CPXM1: variants seen among roughly 807,000 people sequenced by gnomAD.
CPXM1 encodes probable carboxypeptidase X1.
CPXM1 carries 72 observed loss-of-function variants against 80.4 expected under a neutral mutation model. That is an observed-to-expected ratio of 0.90 (90% CI 0.74 to 1.09). CPXM1 has a LOEUF of 1.09. Ranked by LOEUF, CPXM1 falls within the 50% of genes least tolerant of loss-of-function variation. CPXM1 has a pLI of 0.00. For synonymous variants in CPXM1, 403 were observed against 405.6 expected, an observed-to-expected ratio of 0.99 and a Z score of 0.08; for missense variants, 892 against 999.4, an observed-to-expected ratio of 0.89 and a Z score of 1.45.
rs910956499 is a variant in CPXM1, at chr20:2,797,958, G to A, written c.681+10C>T. 2.5e-6 allele frequency: 4 copies of A among 1,613,100 alleles called. No homozygotes were observed. The highest frequency in any genetic ancestry group is 3.3e-5 in the Admixed American group (2 of 59,992). On this transcript the variant is annotated intron_variant, in intron 5 of 13. Transcript: ENST00000380605. Reference sequence around the variant, plus strand: ...AGCATGGAGGCCCCAGCCACAGTGGGACCACTCACTGCGTCCATCCCACTG... The same window carrying A: ...AGCATGGAGGCCCCAGCCACAGTGGAACCACTCACTGCGTCCATCCCACTG...
chr20:2,796,731 A>C lies in CPXM1; in HGVS notation c.922-81T>G. 1 of 1,567,274 alleles carries C rather than the reference A, an allele frequency of 6.4e-7. No individual in the cohort carries two copies. The highest frequency in any genetic ancestry group is 8.7e-7 in the Non-Finnish European group (1 of 1,153,396). On this transcript the variant is annotated intron_variant, in intron 7 of 13. Transcript: ENST00000380605. This position sits in a 1 kb window ranked among gnomAD's most constrained non-coding sequence, Gnocchi z 6.8. ...GATCACATGTGCCATGGAAAGACTTAAAAAGTCAGCGATGGCCCACACAGA... is the reference window on the plus strand; with the variant it reads ...GATCACATGTGCCATGGAAAGACTTCAAAAGTCAGCGATGGCCCACACAGA...
intron 4 of CPXM1, 37 bp downstream of exon 4, chr20:2,798,115 T>C: frequency 6.2e-7 from 1 of 1,613,668 alleles, no homozygotes; most frequent in Non-Finnish European, 8.5e-7. Flanking sequence ...ACCCCAGTCC[T>C]TCTGTGACCT....
Position 2,795,144 on chromosome 20 carries a change from C to T in CPXM1, c.1860+133G>A. ...TGTGTGCTTCCAAGACAATCTGATA[C>T]CAAGCATGGCCCATGGCATCTTGTG... On this transcript the variant is annotated intron_variant, in intron 12 of 13. Transcript: ENST00000380605. The surrounding 1 kb of genome is among the most constrained non-coding windows in gnomAD (Gnocchi z 5.4). 1.8e-6 allele frequency: 2 copies of T among 1,105,124 alleles called. No individual in the cohort carries two copies. The highest frequency in any genetic ancestry group is 2.6e-6 in the Non-Finnish European group (2 of 765,106). The allele number at this position is 1,105,124 out of a possible 1,614,324, so 68.5% of individuals were successfully genotyped here.
At position 2,796,173 on chromosome 20, in the gene CPXM1, G is replaced by C; in HGVS notation, c.1243-12C>G. ...ACCAGCTCTGAACCCTGCCGGGCAA[G>C]AGGCTTGTTCAAGTCGAGCAGGTCC... On this transcript the variant is annotated splice_polypyrimidine_tract_variant and intron_variant, in intron 9 of 13. Transcript: ENST00000380605. The surrounding 1 kb of genome is among the most constrained non-coding windows in gnomAD (Gnocchi z 6.8). The C allele has an allele frequency of 6.2e-7, 1 of 1,609,102 alleles. No homozygotes were observed. Among genetic ancestry groups the C allele is most frequent in the South Asian group, 1.1e-5 (1 of 90,192 alleles).
At position 2,798,185 on chromosome 20, in the gene CPXM1, C is replaced by T; in HGVS notation, c.557G>A (p.Gly186Asp). The T allele has an allele frequency of 6.2e-7, 1 of 1,614,050 alleles. No individual in the cohort carries two copies. Among genetic ancestry groups the T allele is most frequent in the Non-Finnish European group, 8.5e-7 (1 of 1,180,028 alleles). ...VDAGHPTRFS[G>D]VITQGRNSVW... ...AGAGTTCCTGCCCTGTGTGATAACACCCGAGAAGCGGGTGGGGTGCCCAGC... is the reference window on the plus strand; with the variant it reads ...AGAGTTCCTGCCCTGTGTGATAACATCCGAGAAGCGGGTGGGGTGCCCAGC... The change falls in exon 4 of 14, where the codon GGT becomes GAT. Residue 186 changes from glycine (G) to aspartate (D), a missense_variant. Physicochemically the swap from Gly to Asp is moderately conservative, Grantham distance 94. Coordinates refer to ENST00000380605, the MANE Select transcript of CPXM1 (RefSeq NM_019609.5).
chr20:2,800,357 G>A, intron 1 of CPXM1, 44 bp downstream of exon 1: 2 of 1,462,616 alleles, frequency 1.4e-6, no homozygotes, highest in East Asian at 2.7e-5. Context: ...GGAGAGCCGG[G>A]CAGTCGGCTT....
rs762006674 is a variant in CPXM1, at chr20:2,795,427, C to G, written c.1721-11G>C. ...TGAAGTCATTCATGCCTAAGGGGAC[C>G]ACAGACACTGCTGCCTAAGCAGGCG... On this transcript the variant is annotated splice_polypyrimidine_tract_variant and intron_variant, in intron 11 of 13. Transcript: ENST00000380605. This position sits in a 1 kb window ranked among gnomAD's most constrained non-coding sequence, Gnocchi z 5.4. The G allele has an allele frequency of 6.2e-7, 1 of 1,612,074 alleles. No homozygotes were observed. The highest frequency in any genetic ancestry group is 8.5e-7 in the Non-Finnish European group (1 of 1,178,518).
At position 2,796,342 on chromosome 20, in the gene CPXM1, G is replaced by T. The variant is rs1332282145; in HGVS notation, c.1147C>A (p.Arg383=). ...LMQFLCHEFL[R]GNPRVTRLLS... is the part of the protein sequence containing the mutation. Reference sequence around the variant, plus strand: ...AGCCGGGTCACCCGTGGGTTCCCTCGCAGGAACTCATGGCACAGGAACTGC... The same window carrying T: ...AGCCGGGTCACCCGTGGGTTCCCTCTCAGGAACTCATGGCACAGGAACTGC... The change falls in exon 9 of 14, where the codon CGA becomes AGA. Residue 383 remains arginine, a synonymous_variant. Transcript: ENST00000380605. The surrounding 1 kb of genome is among the most constrained non-coding windows in gnomAD (Gnocchi z 6.8). 6.2e-7 allele frequency: 1 copy of T among 1,613,884 alleles called. No individual in the cohort carries two copies. Among genetic ancestry groups the T allele is most frequent in the Admixed American group, 1.7e-5 (1 of 59,992 alleles).
chr20:2,796,218 CAG>C lies in CPXM1; in HGVS notation c.1242+27_1242+28del. 6.2e-7 allele frequency: 1 copy of C among 1,610,742 alleles called. No individual in the cohort carries two copies. Among genetic ancestry groups the C allele is most frequent in the Non-Finnish European group, 8.5e-7 (1 of 1,177,938 alleles). The stretch of plus-strand genomic sequence containing the variant: ...AGGTCCAGCCACCAGGGCAGAAGGA[CAG>C]AGTGGCCCTCATGCTGGGTGGCCTA... On this transcript the variant is annotated intron_variant, in intron 9 of 13. Coordinates refer to ENST00000380605, the MANE Select transcript of CPXM1 (RefSeq NM_019609.5). The surrounding 1 kb of genome is among the most constrained non-coding windows in gnomAD (Gnocchi z 6.8).
Position 2,796,414 on chromosome 20 carries a change from T to C in CPXM1, c.1075A>G (p.Met359Val). Residue 359 changes from methionine to valine, a missense_variant, in exon 9 of 14, where the codon ATG (methionine) becomes GTG (valine). By Grantham distance (21) the Met-to-Val change is conservative. Coordinates refer to ENST00000380605, the MANE Select transcript of CPXM1 (RefSeq NM_019609.5). The surrounding 1 kb of genome is among the most constrained non-coding windows in gnomAD (Gnocchi z 6.8). ...CGCCCCAGGGCCTCGTTCCCATGCA[T>C]GCCAGCCACGTAGCGCACCTCAGGC... ...GEPEVRYVAG[M>V]HGNEALGREL... The C allele has an allele frequency of 2.5e-6, 4 of 1,614,076 alleles. No homozygotes were observed. The highest frequency in any genetic ancestry group is 3.4e-6 in the Non-Finnish European group (4 of 1,179,986).
chr20:2,800,376 G>C (rs771703494), intron 1 of CPXM1, 25 bp downstream of exon 1: 6 of 1,493,742 alleles, frequency 4.0e-6, no homozygotes, highest in Non-Finnish European at 5.3e-6. Flanking sequence ...TTGCGGGGGA[G>C]CGGACCGTCG....
At position 2,797,962 on chromosome 20, in the gene CPXM1, A is replaced by C. The variant is rs942421370; in HGVS notation, c.681+6T>G. 3.1e-6 allele frequency: 5 copies of C among 1,612,894 alleles called. No individual in the cohort carries two copies. The African/African-American group carries it at 6.7e-5, about 22-fold the overall frequency. On this transcript the variant is annotated splice_donor_region_variant and intron_variant, in intron 5 of 13. Transcript: ENST00000380605. The stretch of plus-strand genomic sequence containing the variant: ...TGGAGGCCCCAGCCACAGTGGGACC[A>C]CTCACTGCGTCCATCCCACTGCTGT...
rs77097643 is a variant in CPXM1, at chr20:2,797,615, A to G, written c.682-273T>C. On this transcript the variant is annotated intron_variant, in intron 5 of 13. Transcript: ENST00000380605. ...CAATCCTAGAGCTGGCCAGGACTCC[A>G]CATTGTAGCCTGCTGTAAAAAGAGG... Among the ~76,000 whole-genome samples the G allele has an allele frequency of 2.8e-4, 42 of 152,306 alleles. No individual in the cohort carries two copies. The East Asian group carries it at 6.4e-3, about 23-fold the overall frequency.
In CPXM1 at chr20:2,796,525, A is replaced by G. The variant is rs2094099344; in HGVS notation, c.1045+2T>C. On this transcript the variant is annotated splice_donor_variant, in intron 8 of 13. Coordinates refer to ENST00000380605, the MANE Select transcript of CPXM1 (RefSeq NM_019609.5). LOFTEE classifies it high-confidence loss of function. The surrounding 1 kb of genome is among the most constrained non-coding windows in gnomAD (Gnocchi z 6.8). The stretch of plus-strand genomic sequence containing the variant: ...ACCTCTCCCCACTCCCCATGCCAGT[A>G]CCCAGCTCATGCTCCCCAGGCTTGT... The G allele has an allele frequency of 6.2e-7, 1 of 1,613,992 alleles. No individual in the cohort carries two copies. Among genetic ancestry groups the G allele is most frequent in the Non-Finnish European group, 8.5e-7 (1 of 1,179,962 alleles).
At position 2,796,567 on chromosome 20, in the gene CPXM1, A is replaced by T. The variant is rs1408662609; in HGVS notation, c.1005T>A (p.Tyr335Ter). ...IGKSYQGLKL[Y>*]VMEMSDKPGE... ...CAGGCTTGTCCGACATTTCCATCAC[A>T]TACAGCTTCAGGCCCTGGTAGCTCT... The change falls in exon 8 of 14, where the codon TAT becomes TAA. Residue 335 changes from tyrosine (Y) to a stop codon, truncating the protein, a stop_gained. Transcript: ENST00000380605. LOFTEE classifies it high-confidence loss of function. This position sits in a 1 kb window ranked among gnomAD's most constrained non-coding sequence, Gnocchi z 6.8. 1 of 1,614,054 alleles carries T rather than the reference A, an allele frequency of 6.2e-7. No homozygotes were observed. Among genetic ancestry groups the T allele is most frequent in the African/African-American group, 1.3e-5 (1 of 75,012 alleles).
intron 5 of CPXM1, among the ~76,000 whole-genome samples, chr20:2,797,653 G>A (rs967815703): frequency 3.3e-5 from 5 of 152,180 alleles, no homozygotes; most frequent in African/African-American, 7.2e-5. Context: ...CATGAGATGC[G>A]GAAGTCAGAA....
In CPXM1 at chr20:2,798,531, G is replaced by A. The variant is rs2088534159; in HGVS notation, c.347C>T (p.Pro116Leu). Residue 116 changes from proline to leucine, a missense_variant, in exon 3 of 14, where the codon CCT (proline) becomes CTT (leucine). Physicochemically the swap from Pro to Leu is moderately conservative, Grantham distance 98 (BLOSUM62 -3). Transcript: ENST00000380605. ...TCGCAGGGACTCCAGACCCAAAGGA[G>A]GACAGCCTGGGGCGGGGATAGAACA... The part of the protein sequence containing the change: ...DPAEKQETGC[P>L]PLGLESLRVS... 6.2e-7 allele frequency: 1 copy of A among 1,613,632 alleles called. No homozygotes were observed. The highest frequency in any genetic ancestry group is 1.3e-5 in the African/African-American group (1 of 74,938).
chr20:2,799,755 T>C lies in CPXM1; in HGVS notation c.172+646A>G, dbSNP rs147724417. On this transcript the variant is annotated intron_variant, in intron 1 of 13. Transcript: ENST00000380605. The stretch of plus-strand genomic sequence containing the variant: ...CATCTGGAAAGCTGGGAGGTCGGGC[T>C]GCCTTCCTCTCCCGCTCTGCCCCAT... Among the ~76,000 whole-genome samples, 4 of 152,324 alleles carry C rather than the reference T, an allele frequency of 2.6e-5. No homozygotes were observed. In the East Asian group the frequency reaches 7.7e-4, roughly 29 times the overall value.
rs963797346 is a variant in CPXM1 at position 2,795,324 on chromosome 20, G to T, written c.1813C>A (p.Gln605Lys). The T allele has an allele frequency of 2.3e-5, 37 of 1,614,028 alleles. 1 individual carries two copies. In the East Asian group the frequency reaches 8.0e-4, roughly 35 times the overall value. Residue 605 changes from glutamine to lysine, a missense_variant, in exon 12 of 14, where the codon CAG becomes AAG. By Grantham distance (53) the Gln-to-Lys change is moderately conservative. This residue lies in a region of CPXM1 where 874 missense variants were observed against 958.4 expected (regional missense o/e 0.91). Transcript: ENST00000380605. The surrounding 1 kb of genome is among the most constrained non-coding windows in gnomAD (Gnocchi z 5.4). ...DKFPHENELP[Q>K]EWENNKDALL... The stretch of plus-strand genomic sequence containing the variant: ...GCGTCTTTGTTGTTCTCCCACTCCT[G>T]GGGCAATTCATTCTCGTGAGGGAAC...
Sources: gnomAD v4.1 joint callset for allele counts (sites outside exome capture counted in the v4.1 genomes callset) on GRCh38, gnomAD v4.1.1 for gene constraint, gnomAD v4.1.1 regional missense constraint, Gnocchi (gnomAD v3.1) non-coding constraint, MANE v1.5 for transcripts, NCBI Gene and HGNC (gene_info 2026-07-23, HGNC 2026-07-21) for gene names.